WARS1: variants seen among roughly 807,000 people sequenced by gnomAD.
The protein encoded by WARS1 is tryptophan--tRNA ligase, cytoplasmic.
WARS1 carries 17 observed loss-of-function variants against 47.8 expected under a neutral mutation model. That is an observed-to-expected ratio of 0.36 (90% CI 0.24 to 0.53). The LOEUF (loss-of-function observed/expected upper bound fraction) is 0.53. Ranked by LOEUF, WARS1 falls within the 20% of genes least tolerant of loss-of-function variation. WARS1 has a pLI of 0.91. For synonymous variants in WARS1, 208 were observed against 228.1 expected, an observed-to-expected ratio of 0.91 and a Z score of 0.79; for missense variants, 434 against 608.0, an observed-to-expected ratio of 0.71 and a Z score of 3.01.
Position 100,347,577 on chromosome 14 carries a change from CT to C in WARS1, c.726-732del, listed in dbSNP as rs1894707575. Among the ~76,000 whole-genome samples the C allele has an allele frequency of 1.3e-5, 2 of 152,014 alleles. 1 individual carries two copies. The highest frequency in any genetic ancestry group is 4.8e-5 in the African/African-American group (2 of 41,374). On this transcript the variant is annotated intron_variant, in intron 6 of 10. Coordinates refer to ENST00000392882, the MANE Select transcript of WARS1 (RefSeq NM_004184.4). The stretch of plus-strand genomic sequence containing the variant: ...AGGGGTTTGGCAGAACCCAGAGTGG[CT>C]TCTTTTTTTTTGTTTTGAGACAGAG...
chr14:100,335,452 A>G (rs901253790), intron 10 of WARS1, among the ~76,000 whole-genome samples: 1 of 151,312 alleles, frequency 6.6e-6, no homozygotes, highest in Non-Finnish European at 1.5e-5. Flanking sequence ...ATCTCAGCTC[A>G]CTGCAACCTC....
rs778273420 is a variant in WARS1 at position 100,346,838 on chromosome 14, G to A, written c.734C>T (p.Ser245Leu). The change falls in exon 7 of 11, where the codon TCA (serine) becomes TTA (leucine). Residue 245 changes from serine to leucine, a missense_variant. By Grantham distance (145) the Ser-to-Leu change is moderately radical. Transcript: ENST00000392882. ...FSDLDYMGMS[S>L]GFYKNVVKIQ... ...CTTCACCACATTTTTGTAGAAACCT[G>A]AGCTCATCCTGCAAAGACAACGAGA... The A allele has an allele frequency of 7.4e-6, 12 of 1,612,960 alleles. No individual in the cohort carries two copies. The highest frequency in any genetic ancestry group is 5.5e-5 in the South Asian group (5 of 91,046).
At chr14:100,337,303 G>A in intron 9 of WARS1, 101 bp from the exon 10 acceptor site, 1 of 1,537,630 alleles carries the variant, frequency 6.5e-7, no homozygotes, top group East Asian at 2.3e-5. Context: ...TGTGAGTGCT[G>A]TCAGATTCTG....
chr14:100,344,556 G>GT (rs1595417100), intron 7 of WARS1, among the ~76,000 whole-genome samples: 1 of 151,940 alleles, frequency 6.6e-6, no homozygotes, highest in African/African-American at 2.4e-5. Context: ...CGTCTGGGAC[G>GT]TAAGGAGCCC....
intron 6 of WARS1, 31 bp from the exon 7 acceptor site, chr14:100,346,877 C>T (rs762614994): frequency 1.8e-5 from 28 of 1,592,772 alleles, no homozygotes; most frequent in East Asian, 1.3e-4. Flanking sequence ...AAATCCCAAA[C>T]GGAGGGCGGC....
At chr14:100,359,992 G>A (rs933808655) in intron 4 of WARS1, among the ~76,000 whole-genome samples, 5 of 152,164 alleles carry the variant, frequency 3.3e-5, no homozygotes, top group Non-Finnish European at 5.9e-5. Flanking sequence ...GCTTCAAAAA[G>A]GGGGCTGCCT....
At chr14:100,361,621 C>T (rs1895667061) in intron 3 of WARS1, 87 bp downstream of exon 3, 1 of 1,392,324 alleles carries the variant, frequency 7.2e-7, no homozygotes, top group South Asian at 1.3e-5. Flanking sequence ...ATGATTAATT[C>T]AAAATTTAAA....
rs1434013914 is a variant in WARS1 at position 100,360,681 on chromosome 14, T to C, written c.314-19A>G. 3.8e-6 allele frequency: 6 copies of C among 1,589,374 alleles called. No homozygotes were observed. The highest frequency in any genetic ancestry group is 5.2e-6 in the Non-Finnish European group (6 of 1,159,392). The stretch of plus-strand genomic sequence containing the variant: ...AACCGAACTGGAAAAAAAGAAAAGA[T>C]GACTTTCTTAGGTGGCAGGAGGTTT... On this transcript the variant is annotated intron_variant, in intron 3 of 10. Transcript: ENST00000392882.
intron 9 of WARS1, among the ~76,000 whole-genome samples, chr14:100,338,151 A>C (rs1409029646): frequency 1.3e-5 from 2 of 152,200 alleles, no homozygotes; most frequent in African/African-American, 4.8e-5. Context: ...TCAGAAACAC[A>C]ATGACTTTTA....
chr14:100,339,030 C>T (rs959910784), intron 9 of WARS1, among the ~76,000 whole-genome samples: 10 of 151,554 alleles, frequency 6.6e-5, no homozygotes, highest in South Asian at 2.1e-4. Context: ...CGCTTGAACC[C>T]GGGAGGCGGA....
intron 7 of WARS1, among the ~76,000 whole-genome samples, chr14:100,344,931 AC>A (rs1894457820): frequency 7.2e-6 from 1 of 137,946 alleles, no homozygotes; most frequent in Non-Finnish European, 1.5e-5. Context: ...CCCAGCAGCC[AC>A]CCCGTCCTGG....
chr14:100,365,940 C>T (rs886094810), intron 2 of WARS1: 4 of 447,030 alleles, frequency 8.9e-6, no homozygotes, highest in African/African-American at 8.0e-5. Flanking sequence ...GCCTTAGTGA[C>T]CTTGCGCACT....
chr14:100,359,369 C>T (rs1895521134), intron 4 of WARS1, among the ~76,000 whole-genome samples: 1 of 152,190 alleles, frequency 6.6e-6, no homozygotes, highest in Admixed American at 6.5e-5. Context: ...CATGCTACAA[C>T]ATGGAGGAAC....
intron 9 of WARS1, among the ~76,000 whole-genome samples, chr14:100,339,632 A>G (rs1894025013): frequency 6.6e-6 from 1 of 151,758 alleles, no homozygotes; most frequent in South Asian, 2.1e-4. Context: ...TTATAGAATG[A>G]AAAACTATGG....
chr14:100,360,866 A>G (rs193165710), intron 3 of WARS1, among the ~76,000 whole-genome samples: 3 of 152,318 alleles, frequency 2.0e-5, no homozygotes, highest in Admixed American at 2.0e-4. Context: ...CACAACCAAC[A>G]AAACAGGAAA....
chr14:100,363,312 C>T (rs892864996), intron 2 of WARS1, among the ~76,000 whole-genome samples: 3 of 152,010 alleles, frequency 2.0e-5, no homozygotes, highest in African/African-American at 7.2e-5. Flanking sequence ...TTTGGAATAG[C>T]ACCAAAATAA....
At chr14:100,336,626 G>A (rs1893752302) in intron 10 of WARS1, among the ~76,000 whole-genome samples, 1 of 152,160 alleles carries the variant, frequency 6.6e-6, no homozygotes, top group African/African-American at 2.4e-5. Context: ...ACATTTTTGG[G>A]CTCTTTGTAC....
At chr14:100,363,013 T>C (rs1333736830) in intron 2 of WARS1, among the ~76,000 whole-genome samples, 2 of 152,218 alleles carry the variant, frequency 1.3e-5, no homozygotes, top group African/African-American at 2.4e-5. Flanking sequence ...ATGGATACGA[T>C]TCATAGATGA....
In WARS1 at chr14:100,346,734, T is replaced by C; in HGVS notation, c.826+12A>G. ...TGCAGGGAGTGGTCCACAGCAGCAG[T>C]GGGCCTCTTACCAATGCAGTCGCTG... On this transcript the variant is annotated intron_variant, in intron 7 of 10. Coordinates refer to ENST00000392882, the MANE Select transcript of WARS1 (RefSeq NM_004184.4). 6.2e-7 allele frequency: 1 copy of C among 1,608,924 alleles called. No homozygotes were observed. The highest frequency in any genetic ancestry group is 8.5e-7 in the Non-Finnish European group (1 of 1,175,354).
Sources: allele counts gnomAD v4.1 joint callset (sites outside exome capture counted in the v4.1 genomes callset), GRCh38; gene constraint gnomAD v4.1.1; transcripts MANE v1.5; gene names NCBI Gene and HGNC (gene_info 2026-07-23, HGNC 2026-07-21).